Variants in PRAG1 observed in about 807,000 individuals in gnomAD.
PRAG1 encodes the protein PEAK1 related, kinase-activating pseudokinase 1.
Under a neutral mutation model 95.6 loss-of-function variants are expected in PRAG1, and 110 were observed. The observed-to-expected ratio is 1.15, with a 90% CI of 0.99 to 1.35. The LOEUF is 1.35. Among genes scored for constraint, PRAG1 ranks in the 40% most tolerant of loss-of-function variants. PRAG1 has a pLI of 0.00. For synonymous variants in PRAG1, 1,052 were observed against 819.4 expected (o/e 1.28, Z -4.85); for missense variants, 2,554 against 1,864.7 (o/e 1.37, Z -6.81).
chr8:8,365,902 C>T (rs1198783535), intron 3 of PRAG1, among the ~76,000 whole-genome samples: 1 of 151,958 alleles, frequency 6.6e-6, no homozygotes, highest in Admixed American at 6.6e-5. Flanking sequence ...ATCTCTTGAA[C>T]CCAAGAGGTG....
rs777259906 is a variant in PRAG1, at chr8:8,377,986, C to G, written c.423G>C (p.Lys141Asn). 1.2e-6 allele frequency: 2 copies of G among 1,611,712 alleles called. No individual in the cohort carries two copies. The highest frequency in any genetic ancestry group is 1.7e-5 in the Admixed American group (1 of 59,818). ...CAGGGGAGGTAGAGGGACCAGCAGG[C>G]TTCTGTACACCTCGGAAGCTGCCCA... ...VYLGSFRGVQKPAGPSTSPDG... is the reference protein window; with the variant it reads ...VYLGSFRGVQNPAGPSTSPDG... Residue 141 changes from lysine (K) to asparagine (N), a missense_variant, in exon 3 of 6, where the codon AAG (lysine) becomes AAC (asparagine). Lys to Asn is a moderately conservative substitution (Grantham distance 94). Transcript: ENST00000615670.
Position 8,318,068 on chromosome 8 carries a change from T to TC in PRAG1, c.*85dup, listed in dbSNP as rs958164443. On this transcript the variant is annotated 3_prime_UTR_variant, in exon 6 of 6. Coordinates refer to ENST00000615670, the MANE Select transcript of PRAG1 (RefSeq NM_001080826.3). The surrounding 1 kb of genome is among the most constrained non-coding windows in gnomAD (Gnocchi z 4.2). The stretch of plus-strand genomic sequence containing the variant: ...AGGTATCCCAGTCATCTGTACCATT[T>TC]CCCAGGGAGACATGGGTGCTTCCAA... The TC allele has an allele frequency of 7.4e-7, 1 of 1,345,952 alleles. No homozygotes were observed. The highest frequency in any genetic ancestry group is 1.5e-5 in the African/African-American group (1 of 67,910). 83.4% of individuals were successfully genotyped at this position (1,345,952 alleles called of 1,614,324 possible).
At chr8:8,325,433 G>T (rs997799004) in intron 5 of PRAG1, among the ~76,000 whole-genome samples, 1 of 152,168 alleles carries the variant, frequency 6.6e-6, no homozygotes, top group African/African-American at 2.4e-5. Context: ...GAGGGCTAAG[G>T]CTTATCTTTT....
intron 2 of PRAG1, among the ~76,000 whole-genome samples, chr8:8,380,213 T>G (rs1450562696): frequency 6.6e-6 from 1 of 152,004 alleles, no homozygotes; most frequent in East Asian, 1.9e-4. Context: ...AGGTGGAGAT[T>G]GCAGTTAGCC....
rs587702729 is a variant in PRAG1, at chr8:8,377,383, A to G, written c.1026T>C (p.Ser342=). The G allele has an allele frequency of 5.8e-5, 93 of 1,590,228 alleles. 3 individuals carry two copies. The South Asian group carries it at 1.0e-3, about 18-fold the overall frequency. Reference sequence around the variant, plus strand: ...TGCCGCTGCCGCTGCCGCTGCCACAAGAGAGGCCGTCGGAAGAAATGGCAG... The same window carrying G: ...TGCCGCTGCCGCTGCCGCTGCCACAGGAGAGGCCGTCGGAAGAAATGGCAG... ...SEAAISSDGL[S]CGSGSGSGSG... Residue 342 remains serine, a synonymous_variant, in exon 3 of 6, where the codon TCT becomes TCC. Coordinates refer to ENST00000615670, the MANE Select transcript of PRAG1 (RefSeq NM_001080826.3).
chr8:8,329,189 T>C (rs2117119240), intron 4 of PRAG1, among the ~76,000 whole-genome samples: 1 of 152,154 alleles, frequency 6.6e-6, no homozygotes, highest in South Asian at 2.1e-4. Context: ...GCTCAGGAGT[T>C]TGAGACCAGC....
At chr8:8,360,841 T>C (rs1240831548) in intron 3 of PRAG1, among the ~76,000 whole-genome samples, 1 of 152,222 alleles carries the variant, frequency 6.6e-6, no homozygotes, top group Non-Finnish European at 1.5e-5. Context: ...TTCCCTTAAA[T>C]CTTTCATATT....
In PRAG1 at chr8:8,365,789, C is replaced by CTT. The variant is rs1799982929; in HGVS notation, c.2162+10457_2162+10458insAA. Among the ~76,000 whole-genome samples, 3 of 102,920 alleles carry CTT rather than the reference C, an allele frequency of 2.9e-5. No homozygotes were observed. The Admixed American group carries it at 3.6e-4, about 12-fold the overall frequency. 67.5% of individuals were successfully genotyped at this position (102,920 alleles called of 152,430 possible). A position where few individuals can be genotyped will look rare whatever the true frequency, so the allele number is the denominator to read the frequency against. On this transcript the variant is annotated intron_variant, in intron 3 of 5. Coordinates refer to ENST00000615670, the MANE Select transcript of PRAG1 (RefSeq NM_001080826.3). ...ACCAGCCTGGCCAATGTGGTGAAAC[C>CTT]CTATATATATATATATACACACACA...
At chr8:8,344,377 T>C (rs1423121641) in intron 3 of PRAG1, among the ~76,000 whole-genome samples, 1 of 152,152 alleles carries the variant, frequency 6.6e-6, no homozygotes, top group Admixed American at 6.5e-5. Flanking sequence ...TACAAAAGGC[T>C]CAAGTAAAAT....
intron 3 of PRAG1, among the ~76,000 whole-genome samples, chr8:8,365,951 C>T (rs1475975658): frequency 1.3e-5 from 2 of 151,994 alleles, no homozygotes; most frequent in African/African-American, 4.8e-5. Flanking sequence ...GCACTACAGC[C>T]TGGGTGACAG....
At chr8:8,375,714 A>G (rs1585275533) in intron 3 of PRAG1, among the ~76,000 whole-genome samples, 1 of 152,172 alleles carries the variant, frequency 6.6e-6, no homozygotes, top group East Asian at 1.9e-4. Flanking sequence ...AAATAGAGAC[A>G]GGATCTCCTT....
intron 1 of PRAG1, among the ~76,000 whole-genome samples, chr8:8,384,576 C>T (rs918284851): frequency 1.1e-4 from 15 of 135,358 alleles, no homozygotes; most frequent in Admixed American, 2.6e-4. Context: ...GTTTCTCAGT[C>T]GCAGCAAACA....
At chr8:8,375,545 T>A (rs183442711) in intron 3 of PRAG1, among the ~76,000 whole-genome samples, 1 of 152,208 alleles carries the variant, frequency 6.6e-6, no homozygotes, top group Non-Finnish European at 1.5e-5. Flanking sequence ...CCTAACCACA[T>A]GTAAAACTTC....
intron 3 of PRAG1, among the ~76,000 whole-genome samples, chr8:8,354,019 C>G (rs1351390258): frequency 6.7e-6 from 1 of 149,954 alleles, no homozygotes; most frequent in Admixed American, 6.6e-5. Flanking sequence ...TTGAAAAAAA[C>G]AAGCAAAATC....
At chr8:8,359,764 G>C (rs1214897103) in intron 3 of PRAG1, among the ~76,000 whole-genome samples, 1 of 152,156 alleles carries the variant, frequency 6.6e-6, no homozygotes, top group East Asian at 1.9e-4. Flanking sequence ...CAGACATCTG[G>C]ATGTATGTAT....
Position 8,319,136 on chromosome 8 carries a change from G to A in PRAG1, c.3239C>T (p.Pro1080Leu). Residue 1080 changes from proline to leucine, a missense_variant, in exon 6 of 6, where the codon CCC becomes CTC. Pro to Leu is a moderately conservative substitution (Grantham distance 98). Transcript: ENST00000615670. The stretch of plus-strand genomic sequence containing the variant: ...CACGCAGTCCTGCTCCTGGGCAGGG[G>A]GGTGTGTGGGCAGGGCAGGCACAGG... ...KDPVPALPTH[P>L]PAQEQDCVVV... The A allele has an allele frequency of 1.2e-6, 2 of 1,606,006 alleles. No homozygotes were observed. The highest frequency in any genetic ancestry group is 1.7e-6 in the Non-Finnish European group (2 of 1,176,810).
chr8:8,324,390 T>C (rs1452656474), intron 5 of PRAG1, among the ~76,000 whole-genome samples: 1 of 152,198 alleles, frequency 6.6e-6, no homozygotes, highest in African/African-American at 2.4e-5. Flanking sequence ...ATCAGTGCAC[T>C]GGGCCTTTGG....
intron 3 of PRAG1, among the ~76,000 whole-genome samples, chr8:8,351,776 C>A (rs764980497): frequency 2.0e-5 from 3 of 152,136 alleles, no homozygotes; most frequent in African/African-American, 4.8e-5. Context: ...CATCAGCCTG[C>A]CTTCCCCTTG....
At chr8:8,369,461 A>C (rs1048918346) in intron 3 of PRAG1, among the ~76,000 whole-genome samples, 1 of 152,212 alleles carries the variant, frequency 6.6e-6, no homozygotes, top group African/African-American at 2.4e-5. Context: ...CATTCAAAGC[A>C]ATTTGCTTTT....
Sources: gnomAD v4.1 joint callset for allele counts (sites outside exome capture counted in the v4.1 genomes callset) on GRCh38, gnomAD v4.1.1 for gene constraint, Gnocchi (gnomAD v3.1) non-coding constraint, MANE v1.5 for transcripts, NCBI Gene and HGNC (gene_info 2026-07-23, HGNC 2026-07-21) for gene names.